The following NFATC3 variants were observed in gnomAD, a reference collection of about 807,000 sequenced individuals.
NFATC3 encodes the protein nuclear factor of activated T-cells, cytoplasmic 3.
NFATC3 carries 46 observed loss-of-function variants against 98.6 expected under a neutral mutation model. That is an observed-to-expected ratio of 0.47 (90% CI 0.37 to 0.60). The LOEUF is 0.60. Ranked by LOEUF, NFATC3 falls within the 20% of genes least tolerant of loss-of-function variation. NFATC3 has a pLI of 0.00. For missense variants in NFATC3, 1,256 were observed against 1,295.5 expected (o/e 0.97, Z 0.47); for synonymous variants, 512 against 472.2 (o/e 1.08, Z -1.09).
At position 68,213,553 on chromosome 16, in the gene NFATC3, C is replaced by T. The variant is rs117938192; in HGVS notation, c.3107-12797C>T. ...TTTAAAAAATACTCCTCCAGGCGGG[C>T]ATGGTGGCTTACGCCTGTAATCCTA... is the stretch of plus-strand genomic sequence containing the variant. On this transcript the variant is annotated intron_variant, in intron 9 of 9. Transcript: ENST00000346183. 3.8e-3 allele frequency among the ~76,000 whole-genome samples: 575 copies of T among 152,108 alleles called. 10 individuals are homozygous for T. The highest frequency in any genetic ancestry group is 0.029 in the East Asian group (148 of 5,164).
intron 3 of NFATC3, among the ~76,000 whole-genome samples, chr16:68,142,975 A>C (rs1278856438): frequency 6.6e-6 from 1 of 152,032 alleles, no homozygotes; most frequent in Non-Finnish European, 1.5e-5. Context: ...TCACACCTGC[A>C]ATCCCAGTAC....
chr16:68,114,355 G>A (rs997209689), intron 1 of NFATC3, among the ~76,000 whole-genome samples: 1 of 152,100 alleles, frequency 6.6e-6, no homozygotes, highest in East Asian at 1.9e-4. Flanking sequence ...AGTGGGAGCC[G>A]CAGACTGGAG....
chr16:68,106,106 G>GT (rs1481766474), intron 1 of NFATC3, among the ~76,000 whole-genome samples: 1 of 151,976 alleles, frequency 6.6e-6, no homozygotes, highest in African/African-American at 2.4e-5. Context: ...TTGACCTCAA[G>GT]TGATCCACCT....
At chr16:68,120,756 G>C (rs1348105050) in intron 1 of NFATC3, among the ~76,000 whole-genome samples, 1 of 135,198 alleles carries the variant, frequency 7.4e-6, no homozygotes, top group African/African-American at 2.8e-5. Context: ...AACAAACAAA[G>C]AAAAACCCAC....
chr16:68,144,003 A>T (rs547751804), intron 3 of NFATC3, among the ~76,000 whole-genome samples: 9 of 152,320 alleles, frequency 5.9e-5, no homozygotes, highest in Non-Finnish European at 1.0e-4. Context: ...GATAAATTGG[A>T]TTTCATCAAA....
chr16:68,135,815 C>T (rs1323722505), intron 3 of NFATC3, among the ~76,000 whole-genome samples: 2 of 152,156 alleles, frequency 1.3e-5, no homozygotes, highest in Non-Finnish European at 2.9e-5. Context: ...GTAATCCCAG[C>T]ACTTTGGGAG....
At chr16:68,179,535 T>G (rs1028917796) in intron 6 of NFATC3, among the ~76,000 whole-genome samples, 4 of 152,226 alleles carry the variant, frequency 2.6e-5, no homozygotes, top group Non-Finnish European at 4.4e-5. Context: ...GATGAAATAT[T>G]TCATGATAAC....
chr16:68,187,091 G>A (rs1001386177), intron 8 of NFATC3, among the ~76,000 whole-genome samples: 1 of 152,206 alleles, frequency 6.6e-6, no homozygotes, highest in African/African-American at 2.4e-5. Context: ...TGAGCGTGGG[G>A]TCCAGCCACT....
intron 4 of NFATC3, among the ~76,000 whole-genome samples, chr16:68,164,105 A>G (rs182823938): frequency 0.026 from 3,853 of 150,918 alleles, 164 homozygotes; most frequent in African/African-American, 0.088. Context: ...ACTCCAGCCT[A>G]GGCACCATTG....
Position 68,190,825 on chromosome 16 carries a change from C to T in NFATC3, c.2156C>T (p.Pro719Leu). Residue 719 changes from proline (P) to leucine (L), a missense_variant, in exon 9 of 10, where the codon CCT becomes CTT. Coordinates refer to ENST00000346183, the MANE Select transcript of NFATC3 (RefSeq NM_173165.3). ...GATTTGTCTTCAGTTCCATCTTTGC[C>T]TGTGCCTCATCCTGCTCAGACCCAG... Reference protein sequence around the residue: ...EIDLSSVPSLPVPHPAQTQRP... With the variant: ...EIDLSSVPSLLVPHPAQTQRP... 6.2e-7 allele frequency: 1 copy of T among 1,613,980 alleles called. No individual in the cohort carries two copies. Among genetic ancestry groups the T allele is most frequent in the South Asian group, 1.1e-5 (1 of 91,068 alleles).
At chr16:68,137,859 G>T (rs542893094) in intron 3 of NFATC3, among the ~76,000 whole-genome samples, 2 of 151,882 alleles carry the variant, frequency 1.3e-5, no homozygotes, top group African/African-American at 4.8e-5. Flanking sequence ...CTCGTGATCC[G>T]CCCTCCTCGG....
chr16:68,221,302 G>C (rs1282522444), intron 9 of NFATC3: 1 of 1,613,380 alleles, frequency 6.2e-7, no homozygotes, highest in Non-Finnish European at 8.5e-7. Flanking sequence ...CCTGAACCCA[G>C]AGCCCCCAGC....
intron 1 of NFATC3, among the ~76,000 whole-genome samples, chr16:68,114,128 A>G (rs2036136241): frequency 6.6e-6 from 1 of 152,130 alleles, no homozygotes; most frequent in Non-Finnish European, 1.5e-5. Context: ...AGATCTGTGG[A>G]AAAAGTCTGG....
At chr16:68,143,230 A>T (rs886252185) in intron 3 of NFATC3, among the ~76,000 whole-genome samples, 2 of 150,208 alleles carry the variant, frequency 1.3e-5, no homozygotes, top group African/African-American at 4.9e-5. Flanking sequence ...AAAAAAAAAA[A>T]GGAAAGAAAG....
intron 8 of NFATC3, among the ~76,000 whole-genome samples, chr16:68,189,054 T>G (rs1466851488): frequency 6.6e-6 from 1 of 152,194 alleles, no homozygotes; most frequent in Non-Finnish European, 1.5e-5. Context: ...CTCAGCACCA[T>G]TTGTTGAAAA....
At chr16:68,207,621 G>A (rs1417871550) in intron 9 of NFATC3, among the ~76,000 whole-genome samples, 1 of 151,992 alleles carries the variant, frequency 6.6e-6, no homozygotes, top group Non-Finnish European at 1.5e-5. Flanking sequence ...GTGCCATCAC[G>A]CCCAGCTAAT....
intron 9 of NFATC3, among the ~76,000 whole-genome samples, chr16:68,198,125 G>C (rs1003090048): frequency 1.1e-4 from 16 of 152,050 alleles, no homozygotes; most frequent in Non-Finnish European, 2.1e-4. Context: ...TTTGAGAATA[G>C]CCTGGACAAC....
intron 1 of NFATC3, among the ~76,000 whole-genome samples, chr16:68,106,716 G>A (rs1024941651): frequency 1.3e-5 from 2 of 151,378 alleles, no homozygotes; most frequent in Non-Finnish European, 2.9e-5. Flanking sequence ...GTGAGCCACC[G>A]TACCCGGACG....
Position 68,123,220 on chromosome 16 carries a change from G to T in NFATC3, c.1238+99G>T. 4.0e-6 allele frequency: 5 copies of T among 1,236,726 alleles called. No individual in the cohort carries two copies. In the South Asian group the frequency reaches 1.1e-4, roughly 27 times the overall value. 76.6% of individuals were successfully genotyped at this position (1,236,726 alleles called of 1,614,324 possible). ...GTATATAATGGTTATATAATGGTTT[G>T]ACCATTTCTCCTCTTCCTATTTTTA... On this transcript the variant is annotated intron_variant, in intron 2 of 9. Coordinates refer to ENST00000346183, the MANE Select transcript of NFATC3 (RefSeq NM_173165.3).
Sources: allele counts gnomAD v4.1 joint callset (sites outside exome capture counted in the v4.1 genomes callset), GRCh38; gene constraint gnomAD v4.1.1; transcripts MANE v1.5; gene names NCBI Gene and HGNC (gene_info 2026-07-23, HGNC 2026-07-21).